The following TMEM74 variants were observed in gnomAD, a reference collection of about 807,000 sequenced individuals.
TMEM74 encodes transmembrane protein 74.
Under a neutral mutation model 18.1 loss-of-function variants are expected in TMEM74, and 13 were observed. That is an observed-to-expected ratio of 0.72 (90% confidence interval 0.47 to 1.14). The LOEUF is 1.14. TMEM74 is among the 50% of genes most tolerant of loss of function. The pLI is 0.00. For synonymous variants in TMEM74, 159 were observed against 146.6 expected, an observed-to-expected ratio of 1.08 and a Z score of -0.61; for missense variants, 372 against 375.9, an observed-to-expected ratio of 0.99 and a Z score of 0.09.
intron 1 of TMEM74, among the ~76,000 whole-genome samples, chr8:108,723,167 T>C (rs1813602508): frequency 6.6e-6 from 1 of 152,188 alleles, no homozygotes; most frequent in African/African-American, 2.4e-5. Flanking sequence ...TGGTGGTGTT[T>C]TTTATTCTGG....
chr8:108,711,645 C>T (rs936090076), intron 1 of TMEM74, among the ~76,000 whole-genome samples: 3 of 152,116 alleles, frequency 2.0e-5, no homozygotes, highest in African/African-American at 7.2e-5. Context: ...AGAAGTTTGG[C>T]AAGGCCACTG....
intron 2 of TMEM74, among the ~76,000 whole-genome samples, chr8:108,648,653 T>C (rs2130569014): frequency 6.6e-6 from 1 of 152,144 alleles, no homozygotes; most frequent in Non-Finnish European, 1.5e-5. Flanking sequence ...TAGAGAGATT[T>C]GAAAATAGTA....
intron 1 of TMEM74, among the ~76,000 whole-genome samples, chr8:108,712,749 A>G (rs6996940): frequency 6.4e-4 from 97 of 152,258 alleles, no homozygotes; most frequent in African/African-American, 2.2e-3. Flanking sequence ...TGTATTTAAT[A>G]CAAGATGAAA....
At chr8:108,712,723 G>A (rs745435840) in intron 1 of TMEM74, among the ~76,000 whole-genome samples, 16 of 151,230 alleles carry the variant, frequency 1.1e-4, no homozygotes, top group South Asian at 4.2e-4. Context: ...ATGTGTGTGC[G>A]TGTGTGTGTG....
At chr8:108,632,442 AT>A (rs1390405249) in intron 2 of TMEM74, among the ~76,000 whole-genome samples, 1 of 152,148 alleles carries the variant, frequency 6.6e-6, no homozygotes, top group Middle Eastern at 3.4e-3. Context: ...GACAATGCAT[AT>A]ATTTATCATT....
chr8:108,641,949 T>C (rs1246245542), intron 2 of TMEM74, among the ~76,000 whole-genome samples: 1 of 152,130 alleles, frequency 6.6e-6, no homozygotes, highest in Non-Finnish European at 1.5e-5. Flanking sequence ...ATATTAATAA[T>C]TAATATTTTG....
chr8:108,660,257 A>G (rs1369635923), intron 1 of TMEM74, among the ~76,000 whole-genome samples: 1 of 152,114 alleles, frequency 6.6e-6, no homozygotes, highest in Non-Finnish European at 1.5e-5. Context: ...TAGTTTCTCT[A>G]CTACTCCCTA....
At chr8:108,616,027 C>T (rs909999228) in intron 2 of TMEM74, among the ~76,000 whole-genome samples, 2 of 151,954 alleles carry the variant, frequency 1.3e-5, no homozygotes, top group East Asian at 1.9e-4. Flanking sequence ...CCTCGTGATC[C>T]GCCTGCCCTG....
chr8:108,686,403 C>T (rs1357073045), intron 1 of TMEM74, among the ~76,000 whole-genome samples: 1 of 151,982 alleles, frequency 6.6e-6, no homozygotes, highest in East Asian at 1.9e-4. Flanking sequence ...CAGGTTTCAC[C>T]GTGTTAGCCA....
rs1813602068 is a variant in TMEM74, at chr8:108,723,125, G to A, written n.119+64351C>T. Among the ~76,000 whole-genome samples the A allele has an allele frequency of 2.6e-5, 4 of 152,280 alleles. No individual in the cohort carries two copies. The South Asian group carries it at 8.3e-4, about 32-fold the overall frequency. On this transcript the variant is annotated intron_variant and non_coding_transcript_variant, in intron 1 of 3. Coordinates refer to the TMEM74 transcript ENST00000518838. Reference sequence around the variant, plus strand: ...TTGACCCTTAGAGGGAGCTCCATGTGAGTGAGAATCCTGTGAGGCAGATGA... The same window carrying A: ...TTGACCCTTAGAGGGAGCTCCATGTAAGTGAGAATCCTGTGAGGCAGATGA...
At chr8:108,717,942 GTTTTTTTTTTTTTTTTTTTTT>G (rs869263977) in intron 1 of TMEM74, among the ~76,000 whole-genome samples, 2 of 45,920 alleles carry the variant, frequency 4.4e-5, no homozygotes, top group Admixed American at 6.4e-4. Context: ...TCTGACTTAG[GTTTTTTTTTTTTTTTTTTTTT>G]TTTTTTTTTT....
chr8:108,653,911 C>A (rs1812797398), intron 2 of TMEM74, among the ~76,000 whole-genome samples: 1 of 151,948 alleles, frequency 6.6e-6, no homozygotes, highest in Admixed American at 6.6e-5. Context: ...ATGTCTGTAC[C>A]ATTGGGTAGG....
chr8:108,663,313 G>A (rs1812918496), intron 1 of TMEM74, among the ~76,000 whole-genome samples: 1 of 152,130 alleles, frequency 6.6e-6, no homozygotes, highest in Non-Finnish European at 1.5e-5. Flanking sequence ...GACATGAAGA[G>A]ACACTTCTCA....
intron 1 of TMEM74, among the ~76,000 whole-genome samples, chr8:108,660,972 T>C (rs1327170117): frequency 5.3e-5 from 8 of 152,122 alleles, no homozygotes; most frequent in Non-Finnish European, 1.0e-4. Context: ...GATCCATCCA[T>C]GTGATGAAAT....
At chr8:108,636,726 G>T (rs913544080) in intron 2 of TMEM74, among the ~76,000 whole-genome samples, 1 of 151,526 alleles carries the variant, frequency 6.6e-6, no homozygotes, top group African/African-American at 2.4e-5. Context: ...GATCGACATT[G>T]CCTGAGTGTA....
chr8:108,689,856 C>G (rs745876144), intron 1 of TMEM74, among the ~76,000 whole-genome samples: 5 of 152,106 alleles, frequency 3.3e-5, no homozygotes, highest in Non-Finnish European at 5.9e-5. Flanking sequence ...TGGTGTTGTT[C>G]TTCCCACTTC....
chr8:108,636,143 T>C (rs1044642690), intron 2 of TMEM74, among the ~76,000 whole-genome samples: 2 of 152,030 alleles, frequency 1.3e-5, no homozygotes, highest in African/African-American at 4.8e-5. Flanking sequence ...TTAGTACCTA[T>C]TTGAGTAAGT....
intron 1 of TMEM74, among the ~76,000 whole-genome samples, chr8:108,727,613 T>C (rs1458697726): frequency 6.6e-6 from 1 of 152,110 alleles, no homozygotes; most frequent in Non-Finnish European, 1.5e-5. Context: ...CATAGATATA[T>C]AAGTAGAGGT....
intron 1 of TMEM74, among the ~76,000 whole-genome samples, chr8:108,759,589 A>C (rs1401353718): frequency 3.9e-5 from 6 of 152,084 alleles, no homozygotes; most frequent in Non-Finnish European, 8.8e-5. Flanking sequence ...CCTTGATATA[A>C]ACTGAGTAAA....
Sources: gnomAD v4.1 joint callset for allele counts (sites outside exome capture counted in the v4.1 genomes callset) on GRCh38, gnomAD v4.1.1 for gene constraint, MANE v1.5 for transcripts, NCBI Gene and HGNC (gene_info 2026-07-23, HGNC 2026-07-21) for gene names.